TRIM13: variants seen among roughly 807,000 people sequenced by gnomAD.
TRIM13 encodes tripartite motif containing 13, also known as E3 ubiquitin-protein ligase TRIM13.
In TRIM13, 15 loss-of-function variants were observed where a neutral mutation model predicts 27.1. That is an observed-to-expected ratio of 0.55 (90% CI 0.37 to 0.85). The LOEUF is 0.85. Among genes scored for constraint, TRIM13 ranks in the 40% least tolerant of loss-of-function variants. The probability of loss-of-function intolerance (pLI) is 0.00; values close to 1 mark genes in which losing one functional copy is unlikely to be tolerated. For synonymous variants in TRIM13, 193 were observed against 171.5 expected (o/e 1.13, Z -0.98); for missense variants, 402 against 472.2 (o/e 0.85, Z 1.38).
chr13:50,013,184 G>C lies in TRIM13; in HGVS notation c.*20G>C. ...TTATAAAATCTGTTTCAAGTATGCA[G>C]TTTTCTTTTGTTAGAAATTGTTAGA... is the stretch of plus-strand genomic sequence containing the variant. On this transcript the variant is annotated 3_prime_UTR_variant, in exon 2 of 2. Transcript: ENST00000378182. 1 of 1,511,374 alleles carries C rather than the reference G, an allele frequency of 6.6e-7. No homozygotes were observed. The highest frequency in any genetic ancestry group is 2.3e-5 in the East Asian group (1 of 43,272). 93.6% of individuals were successfully genotyped at this position (1,511,374 alleles called of 1,614,324 possible).
intron 1 of TRIM13, among the ~76,000 whole-genome samples, chr13:50,011,229 C>T (rs1875596508): frequency 6.6e-6 from 1 of 152,180 alleles, no homozygotes; most frequent in African/African-American, 2.4e-5. Context: ...TAGTTTTGAT[C>T]TCACAGATGC....
chr13:50,015,629 G>A lies in TRIM13; in HGVS notation c.*2465G>A. ...CAGAGACCAAGAATTCAAGATGGTTGGTGGCCAGATTTTTGTAGACAGAGA... is the reference window on the plus strand; with the variant it reads ...CAGAGACCAAGAATTCAAGATGGTTAGTGGCCAGATTTTTGTAGACAGAGA... On this transcript the variant is annotated 3_prime_UTR_variant, in exon 2 of 2. Coordinates refer to ENST00000378182, the MANE Select transcript of TRIM13 (RefSeq NM_213590.3). The A allele has an allele frequency of 6.2e-7, 1 of 1,614,088 alleles. No individual in the cohort carries two copies. Among genetic ancestry groups the A allele is most frequent in the East Asian group, 2.2e-5 (1 of 44,882 alleles).
chr13:49,999,675 G>T (rs990322646), intron 1 of TRIM13, among the ~76,000 whole-genome samples: 1 of 152,090 alleles, frequency 6.6e-6, no homozygotes, highest in Non-Finnish European at 1.5e-5. Flanking sequence ...ACCATTCCCA[G>T]ATATAAAAAT....
intron 1 of TRIM13, among the ~76,000 whole-genome samples, chr13:50,006,617 G>A (rs1348310069): frequency 1.3e-5 from 2 of 152,084 alleles, no homozygotes; most frequent in Non-Finnish European, 1.5e-5. Context: ...ATCATCAAAA[G>A]TTTGACTTCA....
rs756909588 is a variant in TRIM13, at chr13:50,012,999, C to G, written c.1059C>G (p.Asn353Lys). The G allele has an allele frequency of 3.7e-6, 6 of 1,613,808 alleles. No individual in the cohort carries two copies. The highest frequency in any genetic ancestry group is 1.3e-5 in the African/African-American group (1 of 74,878). Residue 353 changes from asparagine (N) to lysine (K), a missense_variant, in exon 2 of 2, where the codon AAC becomes AAG. By Grantham distance (94) the Asn-to-Lys change is moderately conservative. This residue lies in a region of TRIM13 where 200 missense variants were observed against 194.7 expected (regional missense o/e 1.03). Transcript: ENST00000378182. ...DLATWKGCLS[N>K]FSSYLTKTAD... ...CAACTTGGAAAGGCTGTCTTTCAAA[C>G]TTCAGTTCCTATCTGACTAAAACAG...
chr13:50,003,981 G>T (rs1211414884), intron 1 of TRIM13, among the ~76,000 whole-genome samples: 2 of 152,194 alleles, frequency 1.3e-5, no homozygotes, highest in Admixed American at 6.5e-5. Context: ...CATTTGGGAA[G>T]TTTTTAATTG....
chr13:50,011,815 T>C (rs1875683936), intron 1 of TRIM13, 120 bp from the exon 2 acceptor site: 13 of 1,239,362 alleles, frequency 1.0e-5, no homozygotes, highest in Non-Finnish European at 1.4e-5. Flanking sequence ...CTCACTACTT[T>C]GTTTGGCTGG....
chr13:50,000,593 TA>T (rs1873904571), intron 1 of TRIM13, among the ~76,000 whole-genome samples: 1 of 152,144 alleles, frequency 6.6e-6, no homozygotes, highest in Admixed American at 6.5e-5. Context: ...TGTAATAAAA[TA>T]AGGGGATAGG....
Position 50,012,704 on chromosome 13 carries a change from TTA to T in TRIM13, c.765_766del (p.Phe255LeufsTer16). ...GTATTTCTGCAACAGATGCAGGAGT[TTA>T]GAGAGAAAATCAAAGTAATCAAGGA... On this transcript the variant is annotated frameshift_variant, in exon 2 of 2. Coordinates refer to ENST00000378182, the MANE Select transcript of TRIM13 (RefSeq NM_213590.3). LOFTEE classifies it high-confidence loss of function. 1 of 1,614,082 alleles carries T rather than the reference TTA, an allele frequency of 6.2e-7. No homozygotes were observed. The highest frequency in any genetic ancestry group is 8.5e-7 in the Non-Finnish European group (1 of 1,180,006).
At chr13:50,008,186 T>C (rs1342498691) in intron 1 of TRIM13, among the ~76,000 whole-genome samples, 1 of 152,184 alleles carries the variant, frequency 6.6e-6, no homozygotes, top group Non-Finnish European at 1.5e-5. Flanking sequence ...ATTACAGGCA[T>C]GAGCCACCCG....
At chr13:49,998,252 C>T (rs925798224) in intron 1 of TRIM13, among the ~76,000 whole-genome samples, 11 of 151,968 alleles carry the variant, frequency 7.2e-5, no homozygotes, top group Non-Finnish European at 1.6e-4. Context: ...GTTTTTTTTC[C>T]TTTCTCCCAG....
At chr13:50,003,878 G>T (rs1048037017) in intron 1 of TRIM13, among the ~76,000 whole-genome samples, 1 of 152,128 alleles carries the variant, frequency 6.6e-6, no homozygotes, top group African/African-American at 2.4e-5. Flanking sequence ...TATGGCAGGA[G>T]AACAAGTTTG....
At position 50,018,203 on chromosome 13, in the gene TRIM13, T is replaced by C. The variant is rs1876856478; in HGVS notation, c.*5039T>C. Reference sequence around the variant, plus strand: ...GTCCTTTCTTTGTGTGCTTGAAATATTTTATTTTTCAGTTTGTCCTCATAG... The same window carrying C: ...GTCCTTTCTTTGTGTGCTTGAAATACTTTATTTTTCAGTTTGTCCTCATAG... On this transcript the variant is annotated 3_prime_UTR_variant, in exon 2 of 2. Transcript: ENST00000378182. 1 of 167,036 alleles carries C rather than the reference T, an allele frequency of 6.0e-6. No homozygotes were observed. Among genetic ancestry groups the C allele is most frequent in the African/African-American group, 2.4e-5 (1 of 41,462 alleles). 10.3% of individuals were successfully genotyped at this position (167,036 alleles called of 1,614,324 possible).
chr13:49,997,959 A>G (rs1390404274), intron 1 of TRIM13, among the ~76,000 whole-genome samples, 196 bp downstream of exon 1: 1 of 152,172 alleles, frequency 6.6e-6, no homozygotes, highest in Non-Finnish European at 1.5e-5. Context: ...TTTATGTGGT[A>G]TTTATCTTAA....
chr13:50,004,584 G>A (rs1257957080), intron 1 of TRIM13, among the ~76,000 whole-genome samples: 1 of 152,096 alleles, frequency 6.6e-6, no homozygotes, highest in Non-Finnish European at 1.5e-5. Context: ...CCAACATAAT[G>A]AAACCCTGTC....
At position 50,016,399 on chromosome 13, in the gene TRIM13, T is replaced by C. The variant is rs1341157051; in HGVS notation, c.*3235T>C. Reference sequence around the variant, plus strand: ...TAATGAATTTGACTTAGAAAAGAATTGCCTTATTTTTAAGAGATTGTTTCA... The same window carrying C: ...TAATGAATTTGACTTAGAAAAGAATCGCCTTATTTTTAAGAGATTGTTTCA... On this transcript the variant is annotated 3_prime_UTR_variant, in exon 2 of 2. Transcript: ENST00000378182. The C allele has an allele frequency of 8.2e-6, 2 of 245,314 alleles. No individual in the cohort carries two copies. Among genetic ancestry groups the C allele is most frequent in the Non-Finnish European group, 1.7e-5 (2 of 118,194 alleles). The allele number at this position is 245,314 out of a possible 1,614,324, so 15.2% of individuals were successfully genotyped here. A position where few individuals can be genotyped will look rare whatever the true frequency, so the allele number is the denominator to read the frequency against.
At position 50,012,695 on chromosome 13, in the gene TRIM13, T is replaced by A; in HGVS notation, c.755T>A (p.Met252Lys). The A allele has an allele frequency of 6.2e-7, 1 of 1,614,180 alleles. No homozygotes were observed. The highest frequency in any genetic ancestry group is 8.5e-7 in the Non-Finnish European group (1 of 1,180,016). Residue 252 changes from methionine to lysine, a missense_variant, in exon 2 of 2, where the codon ATG becomes AAG. Met to Lys is a moderately conservative substitution (Grantham distance 95, BLOSUM62 -1). Coordinates refer to ENST00000378182, the MANE Select transcript of TRIM13 (RefSeq NM_213590.3). ...VSEPIVFLQQMQEFREKIKVI... is the reference protein window; with the variant it reads ...VSEPIVFLQQKQEFREKIKVI... Reference sequence around the variant, plus strand: ...GAACCCATTGTATTTCTGCAACAGATGCAGGAGTTTAGAGAGAAAATCAAA... The same window carrying A: ...GAACCCATTGTATTTCTGCAACAGAAGCAGGAGTTTAGAGAGAAAATCAAA...
Position 50,002,491 on chromosome 13 carries a change from G to T in TRIM13, c.-7+4728G>T, listed in dbSNP as rs889194297. ...AGTTTTACTTTCTAAACTCAATATGGTTTTTTAATAATTGGCTCTTTAGTT... is the reference window on the plus strand; with the variant it reads ...AGTTTTACTTTCTAAACTCAATATGTTTTTTTAATAATTGGCTCTTTAGTT... On this transcript the variant is annotated intron_variant, in intron 1 of 1. Coordinates refer to ENST00000378182, the MANE Select transcript of TRIM13 (RefSeq NM_213590.3). Among the ~76,000 whole-genome samples, 3 of 152,120 alleles carry T rather than the reference G, an allele frequency of 2.0e-5. No individual in the cohort carries two copies. In the East Asian group the frequency reaches 5.8e-4, roughly 29 times the overall value.
Position 50,013,501 on chromosome 13 carries a change from G to T in TRIM13, c.*337G>T, listed in dbSNP as rs61447057. Reference sequence around the variant, plus strand: ...TAGTATAGTAGTGATTGTTCTTCAAGCATGCAGTAAAGATCACTTTTTTTT... The same window carrying T: ...TAGTATAGTAGTGATTGTTCTTCAATCATGCAGTAAAGATCACTTTTTTTT... On this transcript the variant is annotated 3_prime_UTR_variant, in exon 2 of 2. Coordinates refer to ENST00000378182, the MANE Select transcript of TRIM13 (RefSeq NM_213590.3). 497 of 172,078 alleles carry T rather than the reference G, an allele frequency of 2.9e-3. 3 individuals are homozygous for T. Among genetic ancestry groups the T allele is most frequent in the African/African-American group, 0.012 (476 of 40,676 alleles). The allele number at this position is 172,078 out of a possible 1,614,324, so 10.7% of individuals were successfully genotyped here.
Sources: gnomAD v4.1 joint callset for allele counts (sites outside exome capture counted in the v4.1 genomes callset) on GRCh38, gnomAD v4.1.1 for gene constraint, gnomAD v4.1.1 regional missense constraint, MANE v1.5 for transcripts, NCBI Gene and HGNC (gene_info 2026-07-23, HGNC 2026-07-21) for gene names.